PLPP2: variants seen among roughly 807,000 people sequenced by gnomAD.
PLPP2 encodes PAP2-gamma.
PLPP2 carries 29 observed loss-of-function variants against 35.2 expected under a neutral mutation model. The ratio of observed to expected loss-of-function variants is 0.82; its 90% CI spans 0.61 to 1.12. PLPP2 has a LOEUF of 1.12. Among genes scored for constraint, PLPP2 ranks in the 50% most tolerant of loss-of-function variants. The pLI is 0.00. For synonymous variants in PLPP2, 162 were observed against 167.0 expected (o/e 0.97, Z 0.23); for missense variants, 353 against 375.2 (o/e 0.94, Z 0.49).
At position 287,568 on chromosome 19, in the gene PLPP2, C is replaced by T. The variant is rs756459626; in HGVS notation, c.388G>A (p.Val130Ile). Residue 130 changes from valine (V) to isoleucine (I), a missense_variant, in exon 3 of 6, where the codon GTC becomes ATC. By Grantham distance (29) the Val-to-Ile change is conservative. Coordinates refer to ENST00000434325, the MANE Select transcript of PLPP2 (RefSeq NM_003712.4). This position sits in a 1 kb window ranked among gnomAD's most constrained non-coding sequence, Gnocchi z 4.3. ...ACCCGGCTCCAGTCGGGGTCGCAGA[C>T]GGCTAGGAAGTTGGGCCTCAGACGC... ...IGRLRPNFLAVCDPDWSRVNC... is the reference protein window; with the variant it reads ...IGRLRPNFLAICDPDWSRVNC... 1.9e-5 allele frequency: 31 copies of T among 1,613,710 alleles called. No homozygotes were observed. The highest frequency in any genetic ancestry group is 3.3e-5 in the South Asian group (3 of 91,092).
intron 5 of PLPP2, chr19:281,918 G>T: frequency 1.8e-6 from 1 of 566,438 alleles, no homozygotes; most frequent in Non-Finnish European, 3.1e-6. Flanking sequence ...TCCAGGTAAG[G>T]ACTGGGACTG....
intron 1 of PLPP2, 125 bp downstream of exon 1, chr19:291,160 G>T: frequency 6.7e-7 from 1 of 1,486,340 alleles, no homozygotes; most frequent in Non-Finnish European, 9.0e-7. Context: ...CGAGGTCCCC[G>T]CCTCCAGGGT....
chr19:281,398 G>A lies in PLPP2; in HGVS notation c.857C>T (p.Ser286Phe), dbSNP rs1970170799. 2.1e-6 allele frequency: 3 copies of A among 1,421,304 alleles called. No homozygotes were observed. The highest frequency in any genetic ancestry group is 3.4e-5 in the South Asian group (2 of 59,032). The allele number at this position is 1,421,304 out of a possible 1,614,324, so 88.0% of individuals were successfully genotyped here. The change falls in exon 6 of 6, where the codon TCC becomes TTC. Residue 286 changes from serine to phenylalanine, a missense_variant. Coordinates refer to ENST00000434325, the MANE Select transcript of PLPP2 (RefSeq NM_003712.4). ...ADHNHYGYPH[S>F]SS ...GGGCGGGGTCCGGCCTCAGGAGGAG[G>A]AGTGCGGGTATCCATAGTGGTTGTG...
chr19:288,730 T>C (rs1568203573), intron 1 of PLPP2, among the ~76,000 whole-genome samples: 1 of 152,126 alleles, frequency 6.6e-6, no homozygotes, highest in Non-Finnish European at 1.5e-5. Flanking sequence ...CTCTTCCTTA[T>C]GCAAACCTCA....
intron 1 of PLPP2, chr19:291,046 C>A: frequency 7.8e-7 from 1 of 1,290,148 alleles, no homozygotes; most frequent in Non-Finnish European, 9.8e-7. Flanking sequence ...CCCGGCTCCC[C>A]GGGCCTCTCG....
At chr19:282,831 G>A in intron 3 of PLPP2, 22 bp from the exon 4 acceptor site, 1 of 1,611,876 alleles carries the variant, frequency 6.2e-7, no homozygotes, top group South Asian at 1.1e-5. Flanking sequence ...GAAGGGGCAG[G>A]TGGCTCACTC....
At chr19:288,918 G>C (rs1436224054) in intron 1 of PLPP2, among the ~76,000 whole-genome samples, 3 of 152,212 alleles carry the variant, frequency 2.0e-5, no homozygotes, top group Non-Finnish European at 2.9e-5. Flanking sequence ...TTTAACCTAA[G>C]AGCAGGCCAG....
chr19:284,472 T>C (rs1261953991), intron 3 of PLPP2: 4 of 152,160 alleles, frequency 2.6e-5, no homozygotes, highest in Non-Finnish European at 5.9e-5. Flanking sequence ...TACTAGACAC[T>C]TTCTAAGAGA....
At chr19:291,113 C>T in intron 1 of PLPP2, 172 bp downstream of exon 1, 1 of 1,354,738 alleles carries the variant, frequency 7.4e-7, no homozygotes. Context: ...GGAGGGCGCG[C>T]GCAGTGCGGG....
chr19:290,593 C>A (rs1970367714), intron 1 of PLPP2, among the ~76,000 whole-genome samples: 1 of 152,242 alleles, frequency 6.6e-6, no homozygotes, highest in African/African-American at 2.4e-5. Context: ...AGAGCAAACA[C>A]TCGGCCTTTG....
At chr19:290,469 C>G (rs974616991) in intron 1 of PLPP2, among the ~76,000 whole-genome samples, 1 of 152,176 alleles carries the variant, frequency 6.6e-6, no homozygotes, top group African/African-American at 2.4e-5. Flanking sequence ...GGGTCTCCTT[C>G]CGGAGGTAAG....
At chr19:289,639 G>A (rs1970344710) in intron 1 of PLPP2, among the ~76,000 whole-genome samples, 1 of 152,144 alleles carries the variant, frequency 6.6e-6, no homozygotes, top group Non-Finnish European at 1.5e-5. Flanking sequence ...GGAGGCAGAG[G>A]TTGCAGTGAG....
intron 5 of PLPP2, 119 bp downstream of exon 5, chr19:282,015 G>T: frequency 8.6e-7 from 1 of 1,160,118 alleles, no homozygotes; most frequent in Non-Finnish European, 1.2e-6. Flanking sequence ...AGGGAGGACT[G>T]ACAGGGAGGA....
intron 1 of PLPP2, 136 bp downstream of exon 1, chr19:291,149 G>A (rs1354654947): frequency 7.6e-6 from 11 of 1,456,410 alleles, no homozygotes; most frequent in Non-Finnish European, 9.1e-6. Flanking sequence ...TGGTCCTCAC[G>A]CGAGGTCCCC....
Position 287,528 on chromosome 19 carries a change from T to C in PLPP2, c.428A>G (p.Tyr143Cys), listed in dbSNP as rs775731930. The C allele has an allele frequency of 2.5e-6, 4 of 1,613,558 alleles. No individual in the cohort carries two copies. The highest frequency in any genetic ancestry group is 1.1e-5 in the South Asian group (1 of 91,088). Residue 143 changes from tyrosine to cysteine, a missense_variant, in exon 3 of 6, where the codon TAT becomes TGT. Coordinates refer to ENST00000434325, the MANE Select transcript of PLPP2 (RefSeq NM_003712.4). The surrounding 1 kb of genome is among the most constrained non-coding windows in gnomAD (Gnocchi z 4.3). Reference sequence around the variant, plus strand: ...CCTGCACACCTTCTCCAGCTGCACATAGACCGAGCAGTTGACCCGGCTCCA... The same window carrying C: ...CCTGCACACCTTCTCCAGCTGCACACAGACCGAGCAGTTGACCCGGCTCCA... ...PDWSRVNCSV[Y>C]VQLEKVCRGN...
chr19:284,551 G>A (rs749872876), intron 3 of PLPP2: 4 of 152,144 alleles, frequency 2.6e-5, no homozygotes, highest in Non-Finnish European at 4.4e-5. Context: ...TGTGACAACA[G>A]TTGTGTGCCA....
Position 288,218 on chromosome 19 carries a change from TGG to T in PLPP2, c.53-49_53-48del. 2.0e-6 allele frequency: 3 copies of T among 1,535,540 alleles called. No homozygotes were observed. The South Asian group carries it at 3.8e-5, about 19-fold the overall frequency. ...GGAGCTGTGAGGTTCTCTCACCAGC[TGG>T]GCCTTGGGGCCCCACACACCTGCCT... is the stretch of plus-strand genomic sequence containing the variant. On this transcript the variant is annotated intron_variant, in intron 1 of 5. Transcript: ENST00000434325.
In PLPP2 at chr19:282,265, G is replaced by C; in HGVS notation, c.586C>G (p.Arg196Gly). The change falls in exon 5 of 6, where the codon CGA (arginine) becomes GGA (glycine). Residue 196 changes from arginine to glycine, a missense_variant. Physicochemically the swap from Arg to Gly is moderately radical, Grantham distance 125. Coordinates refer to ENST00000434325, the MANE Select transcript of PLPP2 (RefSeq NM_003712.4). ...RLCWKWARLL[R>G]PTVQFFLVAF... The stretch of plus-strand genomic sequence containing the variant: ...ACCAGGAAGAACTGGACTGTGGGTC[G>C]CAGCAGCCGTGCCCACTTCCAACAG... The C allele has an allele frequency of 6.2e-7, 1 of 1,613,846 alleles. No individual in the cohort carries two copies. The highest frequency in any genetic ancestry group is 8.5e-7 in the Non-Finnish European group (1 of 1,179,878).
In PLPP2 at chr19:287,927, G is replaced by T. The variant is rs1430475086; in HGVS notation, c.204+93C>A. 6.5e-6 allele frequency: 10 copies of T among 1,543,794 alleles called. No homozygotes were observed. In the Admixed American group the frequency reaches 1.8e-4, roughly 27 times the overall value. ...CCCCGGCCCCACACAGACCTCCAGGGCAGGGCTGTGCCACCCCCCCATCAG... is the reference window on the plus strand; with the variant it reads ...CCCCGGCCCCACACAGACCTCCAGGTCAGGGCTGTGCCACCCCCCCATCAG... On this transcript the variant is annotated intron_variant, in intron 2 of 5. Transcript: ENST00000434325. The surrounding 1 kb of genome is among the most constrained non-coding windows in gnomAD (Gnocchi z 4.3).
Sources: allele counts gnomAD v4.1 joint callset (sites outside exome capture counted in the v4.1 genomes callset), GRCh38; gene constraint gnomAD v4.1.1; non-coding constraint Gnocchi (gnomAD v3.1); transcripts MANE v1.5; gene names NCBI Gene and HGNC (gene_info 2026-07-23, HGNC 2026-07-21).